GRM7: variants seen among roughly 807,000 people sequenced by gnomAD.
The protein encoded by GRM7 is glutamate metabotropic receptor 7, also known as metabotropic glutamate receptor 7.
A neutral mutation model predicts 84.5 loss-of-function variants in GRM7; 35 were observed. The observed-to-expected ratio is 0.41, with a 90% CI of 0.32 to 0.55. The LOEUF is 0.55. GRM7 is among the 20% of genes least tolerant of loss of function. GRM7 has a pLI of 0.19. For synonymous variants in GRM7, 487 were observed against 455.1 expected, an observed-to-expected ratio of 1.07 and a Z score of -0.89; for missense variants, 1,003 against 1,194.6, an observed-to-expected ratio of 0.84 and a Z score of 2.36.
In GRM7 at chr3:7,298,491, C is replaced by A. The variant is rs1699888225; in HGVS notation, c.737-193C>A. 2.5e-5 allele frequency: 14 copies of A among 551,378 alleles called. No homozygotes were observed. The South Asian group carries it at 3.6e-4, about 14-fold the overall frequency. The allele number at this position is 551,378 out of a possible 1,614,324, so 34.2% of individuals were successfully genotyped here. ...ACTATAAAGAGGATGTCGTGTAATACCATGGAAAGTGCATTAGGTATGAAC... is the reference window on the plus strand; with the variant it reads ...ACTATAAAGAGGATGTCGTGTAATAACATGGAAAGTGCATTAGGTATGAAC... On this transcript the variant is annotated intron_variant, in intron 2 of 9. Coordinates refer to ENST00000357716, the MANE Select transcript of GRM7 (RefSeq NM_000844.4).
At chr3:7,595,194 C>T (rs765044686) in intron 8 of GRM7, among the ~76,000 whole-genome samples, 1 of 152,150 alleles carries the variant, frequency 6.6e-6, no homozygotes, top group East Asian at 1.9e-4. Context: ...GATAAAGCTA[C>T]ACATCATTTT....
intron 5 of GRM7, among the ~76,000 whole-genome samples, chr3:7,424,234 C>T (rs975787100): frequency 2.0e-5 from 3 of 151,750 alleles, no homozygotes; most frequent in Admixed American, 2.0e-4. Context: ...GTTTAGGTGC[C>T]ATTGTTGTGG....
intron 1 of GRM7, among the ~76,000 whole-genome samples, chr3:6,870,217 C>G (rs1460404148): frequency 6.6e-6 from 1 of 152,030 alleles, no homozygotes; most frequent in Non-Finnish European, 1.5e-5. Context: ...GTTGGTAGTG[C>G]TAGGGGCTAT....
intron 5 of GRM7, among the ~76,000 whole-genome samples, chr3:7,444,602 A>G (rs1358144491): frequency 6.6e-6 from 1 of 152,164 alleles, no homozygotes; most frequent in Non-Finnish European, 1.5e-5. Context: ...CTCTCAGGAC[A>G]CCTTTCACAT....
In GRM7 at chr3:6,928,462, G is replaced by A. The variant is rs928270609; in HGVS notation, c.519+66555G>A. Among the ~76,000 whole-genome samples the A allele has an allele frequency of 6.6e-6, 1 of 152,094 alleles. No homozygotes were observed. The highest frequency in any genetic ancestry group is 2.4e-5 in the African/African-American group (1 of 41,406). On this transcript the variant is annotated intron_variant, in intron 1 of 9. Transcript: ENST00000357716. This position sits in a 1 kb window ranked among gnomAD's most constrained non-coding sequence, Gnocchi z 4.5. ...TCTGAGAAAGGATTTAAATGTGAAAGTCATTATGCAAATGATAAATATTAT... is the reference window on the plus strand; with the variant it reads ...TCTGAGAAAGGATTTAAATGTGAAAATCATTATGCAAATGATAAATATTAT...
intron 7 of GRM7, among the ~76,000 whole-genome samples, chr3:7,522,757 T>G (rs1014159158): frequency 6.6e-6 from 1 of 152,026 alleles, no homozygotes; most frequent in Non-Finnish European, 1.5e-5. Context: ...ATGAACTGAG[T>G]TGTGTCTCTG....
intron 1 of GRM7, among the ~76,000 whole-genome samples, chr3:7,092,659 G>A (rs75479290): frequency 0.013 from 1,969 of 152,068 alleles, 18 homozygotes; most frequent in African/African-American, 0.032. Flanking sequence ...AGAGGGCTCC[G>A]GTATGCTCAA....
intron 7 of GRM7, among the ~76,000 whole-genome samples, chr3:7,523,493 G>A (rs1700678429): frequency 6.6e-6 from 1 of 152,110 alleles, no homozygotes; most frequent in Admixed American, 6.6e-5. Flanking sequence ...TGGTAGAAGT[G>A]TACACTCCTG....
intron 7 of GRM7, among the ~76,000 whole-genome samples, chr3:7,564,789 A>G (rs1694184564): frequency 6.6e-6 from 1 of 152,174 alleles, no homozygotes; most frequent in African/African-American, 2.4e-5. Context: ...CTACTTGCTT[A>G]TGGCCATACT....
intron 1 of GRM7, among the ~76,000 whole-genome samples, chr3:6,908,918 G>T (rs912960046): frequency 2.0e-5 from 3 of 152,052 alleles, no homozygotes; most frequent in African/African-American, 7.2e-5. Context: ...AGTCAAGAAT[G>T]CCCTTTTGCA....
intron 7 of GRM7, among the ~76,000 whole-genome samples, chr3:7,462,450 G>A (rs918404142): frequency 1.8e-4 from 27 of 152,164 alleles, no homozygotes; most frequent in Admixed American, 1.7e-3. Flanking sequence ...AACTATCAGG[G>A]CACTGCATGG....
rs1575139027 is a variant in GRM7 at position 7,300,849 on chromosome 3, G to T, written c.878+2024G>T. On this transcript the variant is annotated intron_variant, in intron 3 of 9. Coordinates refer to ENST00000357716, the MANE Select transcript of GRM7 (RefSeq NM_000844.4). ...TAATTAATGTCTGTATTCTTCACTA[G>T]TTCGTAAAATTAGGGCAGAAATGAT... 2.6e-5 allele frequency among the ~76,000 whole-genome samples: 4 copies of T among 152,038 alleles called. No homozygotes were observed. In the South Asian group the frequency reaches 8.3e-4, roughly 32 times the overall value.
chr3:7,162,728 CATTTTTTTTTTTTTTTTT>C lies in GRM7; in HGVS notation c.736+16061_736+16078del, dbSNP rs1559478428. Among the ~76,000 whole-genome samples, 113 of 57,136 alleles carry C rather than the reference CATTTTTTTTTTTTTTTTT, an allele frequency of 2.0e-3. 2 individuals carry two copies. The highest frequency in any genetic ancestry group is 5.7e-3 in the African/African-American group (110 of 19,368). 37.5% of individuals were successfully genotyped at this position (57,136 alleles called of 152,430 possible). On this transcript the variant is annotated intron_variant, in intron 2 of 9. Transcript: ENST00000357716. ...GCAATCTCCCATTACTCCCATTTTT[CATTTTTTTTTTTTTTTTT>C]TTTTTTTTTTTTTTTTTTTTTTTTT...
chr3:7,431,180 G>A (rs914335513), intron 5 of GRM7, among the ~76,000 whole-genome samples: 2 of 151,984 alleles, frequency 1.3e-5, no homozygotes, highest in Admixed American at 6.6e-5. Flanking sequence ...AAAAGAAAGT[G>A]AATTATCAAA....
intron 2 of GRM7, among the ~76,000 whole-genome samples, chr3:7,187,946 T>A (rs1347290872): frequency 2.0e-5 from 3 of 152,128 alleles, no homozygotes; most frequent in Non-Finnish European, 4.4e-5. Context: ...CCTAGTACTG[T>A]AGCTGGGAGT....
At chr3:7,573,126 C>A (rs2125048057) in intron 7 of GRM7, among the ~76,000 whole-genome samples, 1 of 151,708 alleles carries the variant, frequency 6.6e-6, no homozygotes, top group Admixed American at 6.6e-5. Context: ...CTCACCCCTC[C>A]TCATCAGAAC....
At chr3:7,591,122 A>G (rs1003604890) in intron 8 of GRM7, among the ~76,000 whole-genome samples, 11 of 152,222 alleles carry the variant, frequency 7.2e-5, no homozygotes, top group African/African-American at 2.7e-4. Flanking sequence ...AAAATAAGAA[A>G]GTAGGTTTAT....
At chr3:7,519,520 T>C (rs73017855) in intron 7 of GRM7, among the ~76,000 whole-genome samples, 4,869 of 152,270 alleles carry the variant, frequency 0.032, 114 homozygotes, top group Non-Finnish European at 0.045. Flanking sequence ...CATTCATTTA[T>C]TTGCAATTTA....
At position 7,172,092 on chromosome 3, in the gene GRM7, T is replaced by A. The variant is rs188010346; in HGVS notation, c.736+25424T>A. ...CAGTGTGTTCCATTTCCATGTATAT[T>A]GTTTTAGCACGGGATTTTCAAAATA... On this transcript the variant is annotated intron_variant, in intron 2 of 9. Coordinates refer to ENST00000357716, the MANE Select transcript of GRM7 (RefSeq NM_000844.4). 2.1e-3 allele frequency among the ~76,000 whole-genome samples: 318 copies of A among 152,318 alleles called. 2 individuals carry two copies. Among genetic ancestry groups the A allele is most frequent in the African/African-American group, 7.3e-3 (304 of 41,576 alleles).
Sources: allele counts gnomAD v4.1 joint callset (sites outside exome capture counted in the v4.1 genomes callset), GRCh38; gene constraint gnomAD v4.1.1; non-coding constraint Gnocchi (gnomAD v3.1); transcripts MANE v1.5; gene names NCBI Gene and HGNC (gene_info 2026-07-23, HGNC 2026-07-21).